The following NRAP variants were observed in gnomAD, a reference collection of about 807,000 sequenced individuals.
NRAP encodes the protein nebulin related anchoring protein.
Under a neutral mutation model 225.9 loss-of-function variants are expected in NRAP, and 189 were observed. The ratio of observed to expected loss-of-function variants is 0.84; its 90% CI spans 0.74 to 0.94. The LOEUF (loss-of-function observed/expected upper bound fraction) is 0.94, where lower values mean the gene tolerates loss of function less well. Among genes scored for constraint, NRAP ranks in the 40% least tolerant of loss-of-function variants. The pLI, the probability that NRAP is intolerant of heterozygous loss-of-function variation, is 0.00. For synonymous variants in NRAP, 769 were observed against 790.7 expected, an observed-to-expected ratio of 0.97 and a Z score of 0.46; for missense variants, 2,176 against 2,168.7, an observed-to-expected ratio of 1.00 and a Z score of -0.07.
At chr10:113,607,274 C>T (rs1275559668) in intron 32 of NRAP, among the ~76,000 whole-genome samples, 3 of 150,358 alleles carry the variant, frequency 2.0e-5, no homozygotes, top group Middle Eastern at 3.2e-3. Context: ...TGGTGGCAGG[C>T]GCCTGTAACC....
At position 113,613,640 on chromosome 10, in the gene NRAP, C is replaced by G. The variant is rs577855386; in HGVS notation, c.3300+543G>C. ...CCAACAATGACAGGGTCATTGCAAA[C>G]TCAGACGCCTACAGGGGCCAGGCAG... On this transcript the variant is annotated intron_variant, in intron 29 of 41. Coordinates refer to ENST00000359988, the MANE Select transcript of NRAP (RefSeq NM_198060.4). Among the ~76,000 whole-genome samples the G allele has an allele frequency of 2.9e-3, 438 of 152,180 alleles. 3 individuals are homozygous for G. The highest frequency in any genetic ancestry group is 0.01 in the African/African-American group (419 of 41,508).
intron 6 of NRAP, among the ~76,000 whole-genome samples, chr10:113,652,324 G>A (rs113400648): frequency 9.2e-5 from 14 of 152,060 alleles, no homozygotes; most frequent in East Asian, 1.9e-4. Flanking sequence ...CTACTCTTCC[G>A]GTGAACCTGA....
In NRAP at chr10:113,604,797, T is replaced by A. The variant is rs1203881301; in HGVS notation, c.4039A>T (p.Arg1347Trp). 1.2e-6 allele frequency: 2 copies of A among 1,614,032 alleles called. No individual in the cohort carries two copies. The highest frequency in any genetic ancestry group is 2.7e-5 in the African/African-American group (2 of 74,920). The change falls in exon 35 of 42, where the codon AGG becomes TGG. Residue 1347 changes from arginine (R) to tryptophan (W), a missense_variant. Arg to Trp is a moderately radical substitution (Grantham distance 101). Coordinates refer to ENST00000359988, the MANE Select transcript of NRAP (RefSeq NM_198060.4). Reference sequence around the variant, plus strand: ...GCTTGGCTGCTGGTCGCCCCCCTCCTGTACTGAAGCTCGCTCTGCAGCTGG... The same window carrying A: ...GCTTGGCTGCTGGTCGCCCCCCTCCAGTACTGAAGCTCGCTCTGCAGCTGG... ...MGQLQSELQY[R>W]RGATSSQAQF...
chr10:113,609,980 A>G (rs187205596), intron 31 of NRAP, among the ~76,000 whole-genome samples: 61 of 152,298 alleles, frequency 4.0e-4, no homozygotes, highest in South Asian at 1.5e-3. Flanking sequence ...AAAAAAAAAA[A>G]AAGTCCAGCC....
intron 32 of NRAP, among the ~76,000 whole-genome samples, chr10:113,606,483 G>A (rs929351170): frequency 6.6e-6 from 1 of 152,180 alleles, no homozygotes; most frequent in Admixed American, 6.5e-5. Flanking sequence ...TGATGTAAAA[G>A]GAATATGTAA....
chr10:113,590,252 C>CTT (rs1845883990), intron 40 of NRAP, among the ~76,000 whole-genome samples: 1 of 152,202 alleles, frequency 6.6e-6, no homozygotes, highest in African/African-American at 2.4e-5. Context: ...AGGTCTGCCA[C>CTT]TTATTTGTTA....
In NRAP at chr10:113,623,582, G is replaced by GA. The variant is rs768275328; in HGVS notation, c.2403dup (p.Leu802SerfsTer2). 8 of 1,613,852 alleles carry GA rather than the reference G, an allele frequency of 5.0e-6. No homozygotes were observed. The Admixed American group carries it at 1.3e-4, about 27-fold the overall frequency. On this transcript the variant is annotated frameshift_variant, in exon 23 of 42. Transcript: ENST00000359988. LOFTEE classifies it high-confidence loss of function. ...GCTGCCAGGAAGGTCAAGGAATCAA[G>GA]ACGCAGCTCAAACCCTTTTGCTTTC... is the stretch of plus-strand genomic sequence containing the variant.
chr10:113,643,166 A>G, intron 11 of NRAP, 128 bp from the exon 12 acceptor site: 1 of 530,188 alleles, frequency 1.9e-6, no homozygotes, highest in Non-Finnish European at 3.4e-6. Context: ...CAAGCATAGA[A>G]TATGCTAAGT....
chr10:113,629,593 T>C lies in NRAP; in HGVS notation c.2035A>G (p.Ser679Gly), dbSNP rs1490171700. The C allele has an allele frequency of 1.2e-6, 2 of 1,605,326 alleles. No homozygotes were observed. The highest frequency in any genetic ancestry group is 2.2e-5 in the South Asian group (2 of 90,856). ...QWAKKAYGLQSELQYKADLAW... is the reference protein window; with the variant it reads ...QWAKKAYGLQGELQYKADLAW... ...CTGATAATGTGTGGGCTCACCTCGC[T>C]CTGGAGCCCATAGGCCTTCTTGGCC... The change falls in exon 19 of 42, where the codon AGC becomes GGC. Residue 679 changes from serine to glycine, a missense_variant. Transcript: ENST00000359988.
chr10:113,646,170 T>C (rs952409895), intron 10 of NRAP, among the ~76,000 whole-genome samples: 1 of 152,178 alleles, frequency 6.6e-6, no homozygotes, highest in Non-Finnish European at 1.5e-5. Flanking sequence ...CTTTATACTC[T>C]AATTCTGCGT....
At position 113,612,397 on chromosome 10, in the gene NRAP, G is replaced by A. The variant is rs1539587; in HGVS notation, c.3335C>T (p.Ala1112Val). Residue 1112 changes from alanine to valine, a missense_variant, in exon 30 of 42, where the codon GCG (alanine) becomes GTG (valine). This residue lies in a region of NRAP where 1,708 missense variants were observed against 1,695.5 expected (regional missense o/e 1.01). Transcript: ENST00000359988. ...CATGTCCAACGGCAGATGGAACTGC[G>A]CCTTTGAGTGTTCAAAGCCTTTCTT... is the stretch of plus-strand genomic sequence containing the variant. ...NYKKGFEHSK[A>V]QFHLPLDMAA... 0.031 allele frequency: 50,111 copies of A among 1,613,936 alleles called. 961 individuals carry two copies. Among genetic ancestry groups the A allele is most frequent in the Non-Finnish European group, 0.035 (41,456 of 1,179,832 alleles).
chr10:113,632,021 C>T (rs1282923809), intron 16 of NRAP, 57 bp from the exon 17 acceptor site: 13 of 1,123,316 alleles, frequency 1.2e-5, no homozygotes. Flanking sequence ...TGCCAAACGT[C>T]AAAGATTTTT....
At chr10:113,620,783 T>C in intron 24 of NRAP, 75 bp from the exon 25 acceptor site, 1 of 1,006,672 alleles carries the variant, frequency 9.9e-7, no homozygotes. Context: ...TATTAGCGGC[T>C]CCCAACACAG....
At position 113,604,958 on chromosome 10, in the gene NRAP, C is replaced by T. The variant is rs146072776; in HGVS notation, c.3916-38G>A. 5.5e-4 allele frequency: 867 copies of T among 1,580,528 alleles called. 3 individuals are homozygous for T. The African/African-American group carries it at 9.8e-3, about 18-fold the overall frequency. ...GCTGGCCGGTCAAATTCTATCTGTGCGTTTTCATTGCAGACTCTAGAAAAA... is the reference window on the plus strand; with the variant it reads ...GCTGGCCGGTCAAATTCTATCTGTGTGTTTTCATTGCAGACTCTAGAAAAA... On this transcript the variant is annotated intron_variant, in intron 34 of 41. Transcript: ENST00000359988.
In NRAP at chr10:113,595,635, C is replaced by A. The variant is rs775957197; in HGVS notation, c.4524G>T (p.Leu1508=). Residue 1508 remains leucine (L), a synonymous_variant, in exon 38 of 42, where the codon CTG becomes CTT. Coordinates refer to ENST00000359988, the MANE Select transcript of NRAP (RefSeq NM_198060.4). ...CCAGTTCACTTACGTCACTCAGATGCAGCGCATTGAGGCGAGCTCGGGTGA... is the reference window on the plus strand; with the variant it reads ...CCAGTTCACTTACGTCACTCAGATGAAGCGCATTGAGGCGAGCTCGGGTGA... ...PDFTRARLNA[L]HLSDKVYRNS... is the part of the protein sequence containing the mutation. 50 of 1,608,208 alleles carry A rather than the reference C, an allele frequency of 3.1e-5. No homozygotes were observed. Among genetic ancestry groups the A allele is most frequent in the Non-Finnish European group, 4.0e-5 (47 of 1,174,692 alleles).
Position 113,659,597 on chromosome 10 carries a change from A to G in NRAP, c.256-2023T>C, listed in dbSNP as rs555213028. Among the ~76,000 whole-genome samples, 4 of 152,366 alleles carry G rather than the reference A, an allele frequency of 2.6e-5. No homozygotes were observed. The South Asian group carries it at 6.2e-4, about 24-fold the overall frequency. On this transcript the variant is annotated intron_variant, in intron 3 of 41. Transcript: ENST00000359988. ...ACCAAGGAAACAGAAAGAGGAAAAA[A>G]TGCCATAAATCTTACCAGTGGGGTA... is the stretch of plus-strand genomic sequence containing the variant.
At chr10:113,589,290 T>TTTC in intron 41 of NRAP, 1 of 585,888 alleles carries the variant, frequency 1.7e-6, no homozygotes, top group South Asian at 2.2e-5. Flanking sequence ...ACCTGGCTTC[T>TTTC]TTCTTCTGAA....
chr10:113,638,116 C>T (rs1848987079), intron 14 of NRAP, among the ~76,000 whole-genome samples: 1 of 152,098 alleles, frequency 6.6e-6, no homozygotes, highest in Non-Finnish European at 1.5e-5. Context: ...ATTATTATCT[C>T]ATAATAGAGT....
Position 113,590,663 on chromosome 10 carries a change from T to C in NRAP, c.4871A>G (p.Tyr1624Cys). ...RSQQLASDVH[Y>C]RQPLPQPTCD... Reference sequence around the variant, plus strand: ...GGTGGGCTGGGGCAGGGGCTGCCTGTAGTGCACATCACTGGCCAGCTGCTG... The same window carrying C: ...GGTGGGCTGGGGCAGGGGCTGCCTGCAGTGCACATCACTGGCCAGCTGCTG... The change falls in exon 40 of 42, where the codon TAC becomes TGC. Residue 1624 changes from tyrosine to cysteine, a missense_variant. Coordinates refer to ENST00000359988, the MANE Select transcript of NRAP (RefSeq NM_198060.4). 1 of 1,614,122 alleles carries C rather than the reference T, an allele frequency of 6.2e-7. No individual in the cohort carries two copies.
Sources: gnomAD v4.1 joint callset for allele counts (sites outside exome capture counted in the v4.1 genomes callset) on GRCh38, gnomAD v4.1.1 for gene constraint, gnomAD v4.1.1 regional missense constraint, MANE v1.5 for transcripts, NCBI Gene and HGNC (gene_info 2026-07-23, HGNC 2026-07-21) for gene names.